Variants in SYNE1 observed in about 807,000 individuals in gnomAD.
The protein encoded by SYNE1 is spectrin repeat containing nuclear envelope protein 1.
SYNE1 carries 616 observed loss-of-function variants against 1,111.0 expected under a neutral mutation model. The ratio of observed to expected loss-of-function variants is 0.55; its 90% confidence interval spans 0.52 to 0.59. The LOEUF (loss-of-function observed/expected upper bound fraction) is 0.59. Ranked by LOEUF, SYNE1 falls within the 20% of genes least tolerant of loss-of-function variation. The pLI, the probability that SYNE1 is intolerant of heterozygous loss-of-function variation, is 0.00. For missense variants in SYNE1, 10,006 were observed against 10,417.0 expected (o/e 0.96, Z 1.72); for synonymous variants, 3,855 against 3,825.8 (o/e 1.01, Z -0.28).
At chr6:152,232,057 T>A in intron 113 of SYNE1, 59 bp downstream of exon 113, 4 of 1,321,322 alleles carry the variant, frequency 3.0e-6, no homozygotes, top group Non-Finnish European at 4.3e-6. Flanking sequence ...AGTTTTTTAG[T>A]TCTTTCAAAT....
At chr6:152,227,599 T>C (rs1404923039) in intron 115 of SYNE1, among the ~76,000 whole-genome samples, 1 of 152,188 alleles carries the variant, frequency 6.6e-6, no homozygotes, top group African/African-American at 2.4e-5. Context: ...TAATTTACTA[T>C]TTAGAACTTT....
intron 51 of SYNE1, among the ~76,000 whole-genome samples, chr6:152,395,126 T>C (rs1276546564): frequency 6.6e-6 from 1 of 152,038 alleles, no homozygotes; most frequent in Non-Finnish European, 1.5e-5. Context: ...TCACTGTGAA[T>C]TTGTGGTTTT....
At chr6:152,519,054 G>A (rs561553732) in intron 6 of SYNE1, among the ~76,000 whole-genome samples, 1 of 151,888 alleles carries the variant, frequency 6.6e-6, no homozygotes, top group East Asian at 1.9e-4. Flanking sequence ...AAGCTAATGG[G>A]TGCAGCACAC....
At chr6:152,203,685 G>A (rs541690464) in intron 126 of SYNE1, among the ~76,000 whole-genome samples, 1 of 152,162 alleles carries the variant, frequency 6.6e-6, no homozygotes, top group East Asian at 1.9e-4. Context: ...ACTATTTTCT[G>A]GAAGCAGTGT....
chr6:152,350,013 C>T (rs926635657), intron 72 of SYNE1, among the ~76,000 whole-genome samples, 155 bp downstream of exon 72: 7 of 152,178 alleles, frequency 4.6e-5, no homozygotes, highest in Non-Finnish European at 8.8e-5. Flanking sequence ...CATGTGAAAA[C>T]GGACTAATAC....
chr6:152,301,829 A>C (rs747961581), intron 92 of SYNE1, 40 bp downstream of exon 92: 1 of 1,568,674 alleles, frequency 6.4e-7, no homozygotes, highest in Admixed American at 1.8e-5. Context: ...GCCAGGCTCC[A>C]GTCAAAGAGC....
chr6:152,142,444 T>A (rs868666451), intron 138 of SYNE1, among the ~76,000 whole-genome samples: 1 of 152,176 alleles, frequency 6.6e-6, no homozygotes, highest in African/African-American at 2.4e-5. Context: ...ATAAAAAAAA[T>A]GTAAGCAATG....
chr6:152,163,833 T>C (rs2063040649), intron 131 of SYNE1, among the ~76,000 whole-genome samples: 1 of 152,140 alleles, frequency 6.6e-6, no homozygotes, highest in South Asian at 2.1e-4. Flanking sequence ...CTAGGGCTAG[T>C]GACTCTCAAA....
At chr6:152,144,535 T>G (rs988773367) in intron 137 of SYNE1, 4 of 152,492 alleles carry the variant, frequency 2.6e-5, no homozygotes, top group Non-Finnish European at 5.8e-5. Flanking sequence ...ACAGGAACAT[T>G]TGATCATCAG....
intron 3 of SYNE1, among the ~76,000 whole-genome samples, chr6:152,576,585 G>A (rs930489883): frequency 2.0e-5 from 3 of 152,058 alleles, no homozygotes; most frequent in Non-Finnish European, 4.4e-5. Context: ...AAAAGACACA[G>A]GTATTTTCCA....
chr6:152,349,990 T>C (rs921475975), intron 72 of SYNE1, among the ~76,000 whole-genome samples, 178 bp downstream of exon 72: 9 of 152,196 alleles, frequency 5.9e-5, no homozygotes, highest in Non-Finnish European at 1.2e-4. Context: ...GTCTCAGGTA[T>C]GTCTTTTTCA....
chr6:152,447,590 C>T lies in SYNE1; in HGVS notation c.3537G>A (p.Glu1179=), dbSNP rs2098603582. ...GCCTGGATTTCAGCCAGCTGAGGGT[C>T]TCACCCCTTTTGGTAACACCATTTC... The part of the protein sequence containing the change: ...EIRNGVTKRG[E]TLSWLKSRLK... Residue 1179 remains glutamate (E), a synonymous_variant, in exon 29 of 146, where the codon GAG becomes GAA. Coordinates refer to ENST00000367255, the MANE Select transcript of SYNE1 (RefSeq NM_182961.4). 1 of 1,614,056 alleles carries T rather than the reference C, an allele frequency of 6.2e-7. No individual in the cohort carries two copies. Among genetic ancestry groups the T allele is most frequent in the Non-Finnish European group, 8.5e-7 (1 of 1,180,026 alleles).
chr6:152,269,056 C>G lies in SYNE1; in HGVS notation c.18705+99G>C, dbSNP rs569283090. On this transcript the variant is annotated intron_variant, in intron 99 of 145. Transcript: ENST00000367255. ...AAGAGAAGATAAAGAGACACTCTGTCTTTAGTACAGAAGCAACTTGTCTGT... is the reference window on the plus strand; with the variant it reads ...AAGAGAAGATAAAGAGACACTCTGTGTTTAGTACAGAAGCAACTTGTCTGT... 1.9e-5 allele frequency: 30 copies of G among 1,568,244 alleles called. No homozygotes were observed. In the African/African-American group the frequency reaches 3.9e-4, roughly 20 times the overall value.
chr6:152,366,882 G>A (rs1405593646), intron 62 of SYNE1: 1 of 421,104 alleles, frequency 2.4e-6, no homozygotes, highest in Admixed American at 3.0e-5. Context: ...AGTGGAAAAA[G>A]ATGGAAAATG....
rs183253988 is a variant in SYNE1, at chr6:152,166,971, C to A, written c.23628-2646G>T. The stretch of plus-strand genomic sequence containing the variant: ...CTTTAAAGATAATTTTTGGGTGAAG[C>A]GTCACAGTATTTTTATTTATCTATC... On this transcript the variant is annotated intron_variant, in intron 130 of 145. Coordinates refer to ENST00000367255, the MANE Select transcript of SYNE1 (RefSeq NM_182961.4). Among the ~76,000 whole-genome samples the A allele has an allele frequency of 2.0e-3, 306 of 152,166 alleles. 1 individual carries two copies. Among genetic ancestry groups the A allele is most frequent in the African/African-American group, 7.1e-3 (295 of 41,512 alleles).
chr6:152,314,663 T>C (rs541467965), intron 87 of SYNE1, among the ~76,000 whole-genome samples: 6 of 152,228 alleles, frequency 3.9e-5, no homozygotes, highest in East Asian at 3.9e-4. Flanking sequence ...GAAAGGACTG[T>C]ATGTTTGTTG....
intron 58 of SYNE1, among the ~76,000 whole-genome samples, chr6:152,374,003 A>G (rs2097234721): frequency 6.6e-6 from 1 of 152,342 alleles, no homozygotes; most frequent in African/African-American, 2.4e-5. Flanking sequence ...AATTCTCCCT[A>G]GGAAAAGACA....
In SYNE1 at chr6:152,541,103, A is replaced by C. The variant is rs530098964; in HGVS notation, c.68-1082T>G. Among the ~76,000 whole-genome samples, 19 of 152,342 alleles carry C rather than the reference A, an allele frequency of 1.2e-4. No individual in the cohort carries two copies. The East Asian group carries it at 3.7e-3, about 29-fold the overall frequency. On this transcript the variant is annotated intron_variant, in intron 3 of 145. Transcript: ENST00000367255. ...TTGCTATGTAACAAGAGGAACTAAT[A>C]TAGAAAGGAAAAGAGGTAGGGTTTG... is the stretch of plus-strand genomic sequence containing the variant.
In SYNE1 at chr6:152,302,172, G is replaced by C. The variant is rs1472265743; in HGVS notation, c.17347-109C>G. On this transcript the variant is annotated intron_variant, in intron 91 of 145. Transcript: ENST00000367255. ...AGCCAATGAGCGCGCAGAGCCGCGC[G>C]GGCCCGGGAGGCAGGATGTGTAGGC... 4 of 1,450,386 alleles carry C rather than the reference G, an allele frequency of 2.8e-6. No homozygotes were observed. The Admixed American group carries it at 7.0e-5, about 25-fold the overall frequency. 89.8% of individuals were successfully genotyped at this position (1,450,386 alleles called of 1,614,324 possible).
Sources: gnomAD v4.1 joint callset for allele counts (sites outside exome capture counted in the v4.1 genomes callset) on GRCh38, gnomAD v4.1.1 for gene constraint, MANE v1.5 for transcripts, NCBI Gene and HGNC (gene_info 2026-07-23, HGNC 2026-07-21) for gene names.